Variants in SLC25A26 observed in about 807,000 individuals in gnomAD.
The protein encoded by SLC25A26 is solute carrier family 25 member 26.
Under a neutral mutation model 37.8 loss-of-function variants are expected in SLC25A26, and 36 were observed. The ratio of observed to expected loss-of-function variants is 0.95; its 90% CI spans 0.73 to 1.26. The LOEUF (loss-of-function observed/expected upper bound fraction) is 1.26, where lower values mean the gene tolerates loss of function less well. Among genes scored for constraint, SLC25A26 ranks in the 50% most tolerant of loss-of-function variants. SLC25A26 has a pLI of 0.00. For synonymous variants in SLC25A26, 129 were observed against 122.5 expected, an observed-to-expected ratio of 1.05 and a Z score of -0.35; for missense variants, 390 against 331.1, an observed-to-expected ratio of 1.18 and a Z score of -1.38.
intron 1 of SLC25A26, among the ~76,000 whole-genome samples, chr3:66,139,662 C>T (rs543699686): frequency 6.6e-6 from 1 of 152,270 alleles, no homozygotes; most frequent in South Asian, 2.1e-4. Flanking sequence ...ATAAGCAGTA[C>T]AGATGGTCGG....
chr3:66,287,100 TC>T (rs2074539316), intron 5 of SLC25A26, among the ~76,000 whole-genome samples: 1 of 152,108 alleles, frequency 6.6e-6, no homozygotes, highest in Non-Finnish European at 1.5e-5. Context: ...ATTGAGACCA[TC>T]CTGGCTAACA....
At chr3:66,285,709 C>T (rs2074490774) in intron 5 of SLC25A26, among the ~76,000 whole-genome samples, 1 of 151,858 alleles carries the variant, frequency 6.6e-6, no homozygotes, top group Admixed American at 6.6e-5. Flanking sequence ...ATCTACCTGC[C>T]TTGGCCTCCC....
intron 1 of SLC25A26, among the ~76,000 whole-genome samples, chr3:66,143,727 T>C (rs759490393): frequency 9.2e-5 from 14 of 152,008 alleles, no homozygotes; most frequent in Non-Finnish European, 2.1e-4. Flanking sequence ...CTACAAAAAA[T>C]ACAAAAATTA....
intron 5 of SLC25A26, among the ~76,000 whole-genome samples, chr3:66,289,276 C>G (rs1179602816): frequency 2.0e-5 from 3 of 152,156 alleles, no homozygotes; most frequent in African/African-American, 2.4e-5. Context: ...TGTAGGTTGC[C>G]TATTCACTCT....
At chr3:66,344,737 A>G (rs2076282214) in intron 5 of SLC25A26, among the ~76,000 whole-genome samples, 1 of 152,206 alleles carries the variant, frequency 6.6e-6, no homozygotes, top group South Asian at 2.1e-4. Flanking sequence ...CACTGGTGTT[A>G]AGACATTTTT....
chr3:66,326,398 A>G (rs1299348320), intron 5 of SLC25A26, among the ~76,000 whole-genome samples: 2 of 152,146 alleles, frequency 1.3e-5, no homozygotes, highest in African/African-American at 4.8e-5. Flanking sequence ...CTTCCTGAGG[A>G]GGGGTTGCCT....
At chr3:66,164,827 C>T (rs1478998799) in intron 1 of SLC25A26, among the ~76,000 whole-genome samples, 1 of 152,168 alleles carries the variant, frequency 6.6e-6, no homozygotes, top group Non-Finnish European at 1.5e-5. Flanking sequence ...GGGTTCTCTT[C>T]ACAACCCAGT....
chr3:66,264,224 A>T (rs1324839880), intron 5 of SLC25A26, among the ~76,000 whole-genome samples: 1 of 151,142 alleles, frequency 6.6e-6, no homozygotes, highest in Non-Finnish European at 1.5e-5. Flanking sequence ...GTGAGCCAAG[A>T]TCGTGCCACT....
chr3:66,258,100 T>G (rs2073376868), intron 3 of SLC25A26, among the ~76,000 whole-genome samples: 1 of 152,148 alleles, frequency 6.6e-6, no homozygotes, highest in African/African-American at 2.4e-5. Context: ...AATACTGATT[T>G]GGTTTGTGTC....
chr3:66,268,462 G>A (rs544355939), intron 5 of SLC25A26, among the ~76,000 whole-genome samples: 1 of 152,294 alleles, frequency 6.6e-6, no homozygotes, highest in Admixed American at 6.5e-5. Flanking sequence ...TTAATTACAA[G>A]TAAGACTGGA....
chr3:66,287,649 A>C (rs1559659019), intron 5 of SLC25A26, among the ~76,000 whole-genome samples: 1 of 152,206 alleles, frequency 6.6e-6, no homozygotes, highest in Non-Finnish European at 1.5e-5. Context: ...ACATTCACCT[A>C]CGGGAATGAG....
At chr3:66,174,659 G>A (rs36173162) in intron 1 of SLC25A26, among the ~76,000 whole-genome samples, 25,729 of 151,896 alleles carry the variant, frequency 0.17, 2,629 homozygotes, top group African/African-American at 0.29. Flanking sequence ...GGTGGCGGGC[G>A]CCTGTAGTCC....
chr3:66,178,214 C>T (rs1176162233), intron 1 of SLC25A26, among the ~76,000 whole-genome samples: 1 of 149,068 alleles, frequency 6.7e-6, no homozygotes, highest in Non-Finnish European at 1.5e-5. Context: ...GTTCAGATGG[C>T]CCAACAGTTC....
intron 1 of SLC25A26, among the ~76,000 whole-genome samples, chr3:66,151,355 G>T (rs542328341): frequency 6.6e-6 from 1 of 152,048 alleles, no homozygotes; most frequent in African/African-American, 2.4e-5. Flanking sequence ...GGGAGTGGGG[G>T]AGATAAGAAC....
rs1373790039 is a variant in SLC25A26 at position 66,208,791 on chromosome 3, T to G, written c.-353-11951T>G. On this transcript the variant is annotated intron_variant, in intron 1 of 10. Transcript: ENST00000676754. ...GTGTATATATATATATGGGTATATA[T>G]ATACACACCTTTACATGGGTATATA... 3.8e-5 allele frequency among the ~76,000 whole-genome samples: 4 copies of G among 104,832 alleles called. No homozygotes were observed. In the East Asian group the frequency reaches 1.1e-3, roughly 29 times the overall value. 68.8% of individuals were successfully genotyped at this position (104,832 alleles called of 152,430 possible).
chr3:66,136,402 C>T (rs1044237058), intron 1 of SLC25A26, among the ~76,000 whole-genome samples: 3 of 152,194 alleles, frequency 2.0e-5, no homozygotes, highest in Admixed American at 6.5e-5. Flanking sequence ...ACTTATCACT[C>T]TCCATTGGCC....
intron 5 of SLC25A26, among the ~76,000 whole-genome samples, chr3:66,281,253 C>T (rs2074326369): frequency 6.6e-6 from 1 of 152,152 alleles, no homozygotes; most frequent in East Asian, 1.9e-4. Context: ...AAGTCTTACA[C>T]TTGGTGAGTT....
In SLC25A26 at chr3:66,268,067, C is replaced by T. The variant is rs529955456; in HGVS notation, c.453+4688C>T. On this transcript the variant is annotated intron_variant, in intron 5 of 9. Transcript: ENST00000354883. ...CTTCTGTATTTTTTGTTGCTGCTTT[C>T]TAACCTACTTTGTTTTGGAGATCAT... Among the ~76,000 whole-genome samples the T allele has an allele frequency of 5.9e-5, 9 of 152,306 alleles. No individual in the cohort carries two copies. In the East Asian group the frequency reaches 1.3e-3, roughly 23 times the overall value.
chr3:66,361,416 C>T (rs1429251950), intron 6 of SLC25A26, among the ~76,000 whole-genome samples: 11 of 152,102 alleles, frequency 7.2e-5, no homozygotes, highest in Non-Finnish European at 1.5e-4. Flanking sequence ...TTAAAAACTT[C>T]GGTTCTTTGA....
Sources: allele counts gnomAD v4.1 joint callset (sites outside exome capture counted in the v4.1 genomes callset), GRCh38; gene constraint gnomAD v4.1.1; transcripts MANE v1.5; gene names NCBI Gene and HGNC (gene_info 2026-07-23, HGNC 2026-07-21).